UBE2E1: variants seen among roughly 807,000 people sequenced by gnomAD.
UBE2E1 encodes the protein ubiquitin conjugating enzyme E2 E1, also known as ubiquitin-conjugating enzyme E2 E1.
UBE2E1 carries 6 observed loss-of-function variants against 21.4 expected under a neutral mutation model. The ratio of observed to expected loss-of-function variants is 0.28; its 90% CI spans 0.15 to 0.55. UBE2E1 has a LOEUF of 0.55. Ranked by LOEUF, UBE2E1 falls within the 20% of genes least tolerant of loss-of-function variation. The pLI is 0.93. For missense variants in UBE2E1, 142 were observed against 236.5 expected (o/e 0.60, Z 2.62); for synonymous variants, 87 against 82.7 (o/e 1.05, Z -0.28).
chr3:23,866,701 A>G (rs9843057), intron 3 of UBE2E1, among the ~76,000 whole-genome samples: 256 of 152,280 alleles, frequency 1.7e-3, no homozygotes, highest in African/African-American at 5.7e-3. Context: ...CACACTAAGT[A>G]CTGTGTGTGG....
At chr3:23,852,238 A>C (rs1252427898) in intron 3 of UBE2E1, among the ~76,000 whole-genome samples, 2 of 152,174 alleles carry the variant, frequency 1.3e-5, no homozygotes, top group African/African-American at 2.4e-5. Context: ...ATGGACTAAC[A>C]CATGATTCAT....
intron 3 of UBE2E1, among the ~76,000 whole-genome samples, chr3:23,828,057 A>AT (rs1699793441): frequency 6.6e-6 from 1 of 152,214 alleles, no homozygotes; most frequent in African/African-American, 2.4e-5. Flanking sequence ...CTTTAAATAC[A>AT]TACCTCTTTA....
In UBE2E1 at chr3:23,807,194, T is replaced by G. The variant is rs965569233; in HGVS notation, c.-33-43T>G. On this transcript the variant is annotated intron_variant, in intron 1 of 5. Transcript: ENST00000306627. ...ACCCGAGTTCCTTATTTACACTGGC[T>G]GCATGGTTTGTGTGTTTCTGTTTTG... The G allele has an allele frequency of 5.3e-6, 8 of 1,499,188 alleles. No homozygotes were observed. The African/African-American group carries it at 1.1e-4, about 21-fold the overall frequency. 92.9% of individuals were successfully genotyped at this position (1,499,188 alleles called of 1,614,324 possible). A position where few individuals can be genotyped will look rare whatever the true frequency, so the allele number is the denominator to read the frequency against.
chr3:23,857,101 GAGGTAA>G (rs981912230), intron 3 of UBE2E1, among the ~76,000 whole-genome samples: 5 of 151,860 alleles, frequency 3.3e-5, no homozygotes, highest in African/African-American at 1.2e-4. Flanking sequence ...GTGGAATGTT[GAGGTAA>G]AGTAGGACTG....
At position 23,863,608 on chromosome 3, in the gene UBE2E1, G is replaced by A. The variant is rs1559488698; in HGVS notation, c.204-23959G>A. 1.3e-5 allele frequency among the ~76,000 whole-genome samples: 2 copies of A among 152,130 alleles called. No homozygotes were observed. The highest frequency in any genetic ancestry group is 6.5e-5 in the Admixed American group (1 of 15,276). On this transcript the variant is annotated intron_variant, in intron 3 of 5. Transcript: ENST00000306627. This position sits in a 1 kb window ranked among gnomAD's most constrained non-coding sequence, Gnocchi z 4.3. ...TGCAGTGGCGCGATCTCAACTCACCGCAACCTCCGCCTTCTGGGTTCAAGT... is the reference window on the plus strand; with the variant it reads ...TGCAGTGGCGCGATCTCAACTCACCACAACCTCCGCCTTCTGGGTTCAAGT...
Position 23,856,007 on chromosome 3 carries a change from T to C in UBE2E1, c.204-31560T>C, listed in dbSNP as rs544363176. ...ACTGGAATTTGCATGCTGTTCAGATTTTTTAAGTTCCCTGTGTGGTTTTTC... is the reference window on the plus strand; with the variant it reads ...ACTGGAATTTGCATGCTGTTCAGATCTTTTAAGTTCCCTGTGTGGTTTTTC... On this transcript the variant is annotated intron_variant, in intron 3 of 5. Coordinates refer to ENST00000306627, the MANE Select transcript of UBE2E1 (RefSeq NM_003341.5). 1.5e-3 allele frequency among the ~76,000 whole-genome samples: 229 copies of C among 152,140 alleles called. 1 individual carries two copies. The highest frequency in any genetic ancestry group is 5.0e-3 in the African/African-American group (209 of 41,504).
chr3:23,858,620 A>G (rs1454292088), intron 3 of UBE2E1, among the ~76,000 whole-genome samples: 1 of 152,196 alleles, frequency 6.6e-6, no homozygotes, highest in Non-Finnish European at 1.5e-5. Context: ...GCGCCCGGCC[A>G]GGAACTTTAT....
chr3:23,822,717 T>A (rs1449378707), intron 3 of UBE2E1, among the ~76,000 whole-genome samples: 1 of 152,234 alleles, frequency 6.6e-6, no homozygotes, highest in Non-Finnish European at 1.5e-5. Flanking sequence ...TGCATCGACC[T>A]TTTGTATTCT....
chr3:23,828,887 C>T (rs1411491011), intron 3 of UBE2E1, among the ~76,000 whole-genome samples: 1 of 152,100 alleles, frequency 6.6e-6, no homozygotes, highest in East Asian at 1.9e-4. Context: ...TGTGCCTGTC[C>T]CAGCACACCT....
intron 3 of UBE2E1, among the ~76,000 whole-genome samples, chr3:23,884,136 C>T (rs1030786064): frequency 4.6e-5 from 7 of 151,406 alleles, no homozygotes; most frequent in Non-Finnish European, 1.0e-4. Context: ...AAGTGTAATA[C>T]GTTTTTTGTC....
At chr3:23,811,026 A>C in intron 2 of UBE2E1, 1 of 175,990 alleles carries the variant, frequency 5.7e-6, no homozygotes, top group Non-Finnish European at 1.2e-5. Context: ...CGGGGTGGGC[A>C]TGGGGGCATC....
chr3:23,824,558 G>A (rs1438478277), intron 3 of UBE2E1, among the ~76,000 whole-genome samples: 3 of 152,172 alleles, frequency 2.0e-5, no homozygotes, highest in Non-Finnish European at 2.9e-5. Context: ...TCCAAAAGCA[G>A]TCATCTTTCA....
chr3:23,861,685 G>A (rs900999043), intron 3 of UBE2E1, among the ~76,000 whole-genome samples: 4 of 152,252 alleles, frequency 2.6e-5, no homozygotes, highest in African/African-American at 9.6e-5. Context: ...ATGCACTGGT[G>A]TAGGAGCACA....
At chr3:23,861,888 C>G (rs957167379) in intron 3 of UBE2E1, among the ~76,000 whole-genome samples, 1 of 152,216 alleles carries the variant, frequency 6.6e-6, no homozygotes, top group South Asian at 2.1e-4. Context: ...TGATCCTATT[C>G]TTCTGGTATG....
intron 3 of UBE2E1, among the ~76,000 whole-genome samples, chr3:23,815,048 G>A (rs1699485061): frequency 6.6e-6 from 1 of 152,008 alleles, no homozygotes; most frequent in Admixed American, 6.6e-5. Flanking sequence ...GGAGTGCAGT[G>A]GTGCTCACTG....
Position 23,890,708 on chromosome 3 carries a change from A to C in UBE2E1, c.*102A>C. ...GGTGGGAGTTGGTAAAGAGTAGGGTATTTCTATAACAGATATTATTCAGTC... is the reference window on the plus strand; with the variant it reads ...GGTGGGAGTTGGTAAAGAGTAGGGTCTTTCTATAACAGATATTATTCAGTC... On this transcript the variant is annotated 3_prime_UTR_variant, in exon 6 of 6. Coordinates refer to ENST00000306627, the MANE Select transcript of UBE2E1 (RefSeq NM_003341.5). The C allele has an allele frequency of 9.7e-7, 1 of 1,026,612 alleles. No individual in the cohort carries two copies. The highest frequency in any genetic ancestry group is 2.9e-5 in the Admixed American group (1 of 34,200). 63.6% of individuals were successfully genotyped at this position (1,026,612 alleles called of 1,614,324 possible).
chr3:23,840,380 GCTGC>G (rs1479041766), intron 3 of UBE2E1, among the ~76,000 whole-genome samples: 1 of 152,116 alleles, frequency 6.6e-6, no homozygotes, highest in African/African-American at 2.4e-5. Flanking sequence ...CTTTTTGAGT[GCTGC>G]CTTTTTGTAT....
In UBE2E1 at chr3:23,870,674, C is replaced by T. The variant is rs1575029856; in HGVS notation, c.204-16893C>T. Among the ~76,000 whole-genome samples the T allele has an allele frequency of 1.2e-5, 1 of 85,750 alleles. No homozygotes were observed. Among genetic ancestry groups the T allele is most frequent in the South Asian group, 4.6e-4 (1 of 2,182 alleles). 56.3% of individuals were successfully genotyped at this position (85,750 alleles called of 152,430 possible). ...TTTCTTCAAGTTCCTATTTAAAATTCTTTTTTTATTTTATTTTATTTTATT... is the reference window on the plus strand; with the variant it reads ...TTTCTTCAAGTTCCTATTTAAAATTTTTTTTTTATTTTATTTTATTTTATT... On this transcript the variant is annotated intron_variant, in intron 3 of 5. Transcript: ENST00000306627. This position sits in a 1 kb window ranked among gnomAD's most constrained non-coding sequence, Gnocchi z 4.2.
At chr3:23,879,735 G>C (rs1408374446) in intron 3 of UBE2E1, among the ~76,000 whole-genome samples, 1 of 152,170 alleles carries the variant, frequency 6.6e-6, no homozygotes, top group Non-Finnish European at 1.5e-5. Flanking sequence ...AACAGTGCTC[G>C]CCCAGCAGTC....
Sources: gnomAD v4.1 joint callset for allele counts (sites outside exome capture counted in the v4.1 genomes callset) on GRCh38, gnomAD v4.1.1 for gene constraint, Gnocchi (gnomAD v3.1) non-coding constraint, MANE v1.5 for transcripts, NCBI Gene and HGNC (gene_info 2026-07-23, HGNC 2026-07-21) for gene names.